Variants in ANK3 observed in about 807,000 individuals in gnomAD.
ANK3 encodes ankyrin 3.
ANK3 carries 57 observed loss-of-function variants against 370.9 expected under a neutral mutation model. That is an observed-to-expected ratio of 0.15 (90% confidence interval 0.12 to 0.19). ANK3 has a LOEUF of 0.19. Ranked by LOEUF, ANK3 falls within the 10% of genes least tolerant of loss-of-function variation. The pLI, the probability that ANK3 is intolerant of heterozygous loss-of-function variation, is 1.00. For missense variants in ANK3, 4,439 were observed against 5,302.1 expected (o/e 0.84, Z 5.06); for synonymous variants, 1,929 against 1,946.3 (o/e 0.99, Z 0.23).
chr10:60,650,923 A>C (rs897878968), intron 1 of ANK3, among the ~76,000 whole-genome samples: 1 of 94,700 alleles, frequency 1.1e-5, no homozygotes, highest in Non-Finnish European at 2.3e-5. Flanking sequence ...CATTCCTACA[A>C]AATTTTAACA....
intron 1 of ANK3, among the ~76,000 whole-genome samples, chr10:60,669,730 C>T (rs1407624195): frequency 6.6e-6 from 1 of 152,222 alleles, no homozygotes; most frequent in Non-Finnish European, 1.5e-5. Flanking sequence ...TTGACTTCCT[C>T]TCTATCGAAC....
At chr10:60,088,410 T>C (rs561931798) in intron 28 of ANK3, 52 bp from the exon 29 acceptor site, 11 of 1,468,402 alleles carry the variant, frequency 7.5e-6, no homozygotes, top group African/African-American at 2.8e-5. Flanking sequence ...ATCTACAACA[T>C]ACCTTAAGTC....
chr10:60,475,954 T>G (rs140037263), intron 2 of ANK3, among the ~76,000 whole-genome samples: 1 of 152,186 alleles, frequency 6.6e-6, no homozygotes, highest in Non-Finnish European at 1.5e-5. Context: ...AAAAAGATCA[T>G]CTCTAACCAA....
intron 2 of ANK3, among the ~76,000 whole-genome samples, chr10:60,442,169 C>T (rs1473468179): frequency 1.3e-5 from 2 of 149,530 alleles, no homozygotes; most frequent in Non-Finnish European, 3.0e-5. Context: ...GATCTTGACT[C>T]ACCACAACCT....
At chr10:60,057,705 T>C (rs762235466) in intron 41 of ANK3, among the ~76,000 whole-genome samples, 1 of 152,222 alleles carries the variant, frequency 6.6e-6, no homozygotes, top group Non-Finnish European at 1.5e-5. Context: ...GTGTTTTTTC[T>C]ATATAATTCA....
At chr10:60,535,516 C>A (rs1327650233) in intron 2 of ANK3, among the ~76,000 whole-genome samples, 1 of 151,986 alleles carries the variant, frequency 6.6e-6, no homozygotes, top group African/African-American at 2.4e-5. Context: ...AATATTCAGG[C>A]AGCCTAATGT....
intron 2 of ANK3, among the ~76,000 whole-genome samples, chr10:60,552,810 C>G (rs185167263): frequency 5.8e-4 from 88 of 152,270 alleles, no homozygotes; most frequent in African/African-American, 2.0e-3. Context: ...GTGGGACGGA[C>G]CCGGTGGCAG....
rs115260634 is a variant in ANK3 at position 60,075,118 on chromosome 10, T to C, written c.5763A>G (p.Thr1921=). The C allele has an allele frequency of 6.3e-4, 1,019 of 1,614,162 alleles. 9 individuals carry two copies. The African/African-American group carries it at 0.012, about 20-fold the overall frequency. ...DLMRMTAILQ[T]DVPEEKPFQP... ...GGAATGGCTTCTCCTCAGGCACATC[T>C]GTCTGTAGTATTGCGGTCATCCGCA... Residue 1921 remains threonine (T), a synonymous_variant, in exon 37 of 44, where the codon ACA becomes ACG. Coordinates refer to ENST00000280772, the MANE Select transcript of ANK3 (RefSeq NM_020987.5).
intron 1 of ANK3, among the ~76,000 whole-genome samples, chr10:60,303,876 ATG>A (rs71015783): frequency 0.072 from 10,573 of 147,118 alleles, 706 homozygotes; most frequent in African/African-American, 0.18. Context: ...TGGTGTATAT[ATG>A]TGTGTGTGTG....
chr10:60,522,814 T>A (rs1476601606), intron 2 of ANK3, among the ~76,000 whole-genome samples: 7 of 152,098 alleles, frequency 4.6e-5, no homozygotes, highest in African/African-American at 1.2e-4. Context: ...AAGATCTTAT[T>A]GAAATCCTTA....
At chr10:60,305,138 T>G (rs2044721386) in intron 1 of ANK3, among the ~76,000 whole-genome samples, 1 of 152,150 alleles carries the variant, frequency 6.6e-6, no homozygotes, top group Non-Finnish European at 1.5e-5. Flanking sequence ...TTCACCCAAT[T>G]CAGATCAAAC....
intron 8 of ANK3, among the ~76,000 whole-genome samples, chr10:60,217,021 C>A (rs1009253211): frequency 6.6e-6 from 1 of 152,044 alleles, no homozygotes; most frequent in Non-Finnish European, 1.5e-5. Flanking sequence ...GGAATTTAAC[C>A]ATTTTTTCTA....
At chr10:60,695,999 C>T (rs1443736824) in intron 1 of ANK3, among the ~76,000 whole-genome samples, 97 of 150,348 alleles carry the variant, frequency 6.5e-4, no homozygotes, top group African/African-American at 2.2e-3. Context: ...ATTGATAGAC[C>T]GCTAGCAAGA....
intron 2 of ANK3, among the ~76,000 whole-genome samples, chr10:60,409,074 A>T (rs1242801125): frequency 6.6e-6 from 1 of 152,200 alleles, no homozygotes; most frequent in Non-Finnish European, 1.5e-5. Flanking sequence ...CCTTACTACA[A>T]GTTGCCTGCT....
intron 36 of ANK3, among the ~76,000 whole-genome samples, chr10:60,079,553 A>C (rs1192174708): frequency 2.0e-5 from 3 of 152,180 alleles, no homozygotes; most frequent in Non-Finnish European, 4.4e-5. Context: ...TGTGACTCTT[A>C]CTGGCAAATT....
intron 1 of ANK3, among the ~76,000 whole-genome samples, chr10:60,344,313 A>T (rs1328553841): frequency 1.3e-5 from 2 of 152,236 alleles, no homozygotes; most frequent in Non-Finnish European, 2.9e-5. Flanking sequence ...CATTTCTTGG[A>T]TGCTAAGACA....
intron 1 of ANK3, among the ~76,000 whole-genome samples, chr10:60,706,549 C>G (rs2079621591): frequency 6.6e-6 from 1 of 152,060 alleles, no homozygotes; most frequent in African/African-American, 2.4e-5. Flanking sequence ...AAAAATCAGG[C>G]AGAAGCCCCT....
intron 41 of ANK3, among the ~76,000 whole-genome samples, 194 bp from the exon 42 acceptor site, chr10:60,056,230 G>T (rs1261568425): frequency 6.6e-6 from 1 of 152,204 alleles, no homozygotes; most frequent in Non-Finnish European, 1.5e-5. Context: ...AGCACCTTGG[G>T]AGGCTGAGGC....
chr10:60,539,603 C>T (rs528075359), intron 2 of ANK3, among the ~76,000 whole-genome samples: 7 of 151,928 alleles, frequency 4.6e-5, no homozygotes, highest in African/African-American at 1.7e-4. Context: ...GGTAGGCGTG[C>T]CCTGTTTAAA....
Sources: allele counts gnomAD v4.1 joint callset (sites outside exome capture counted in the v4.1 genomes callset), GRCh38; gene constraint gnomAD v4.1.1; transcripts MANE v1.5; gene names NCBI Gene and HGNC (gene_info 2026-07-23, HGNC 2026-07-21).